The following CNTNAP2 variants were observed in gnomAD, a reference collection of about 807,000 sequenced individuals.
CNTNAP2 encodes the protein contactin associated protein 2, also known as contactin-associated protein-like 2.
CNTNAP2 carries 98 observed loss-of-function variants against 155.2 expected under a neutral mutation model. The observed-to-expected ratio is 0.63, with a 90% CI of 0.54 to 0.75. The LOEUF is 0.75. Among genes scored for constraint, CNTNAP2 ranks in the 30% least tolerant of loss-of-function variants. The probability of loss-of-function intolerance (pLI) is 0.00; values close to 1 mark genes in which losing one functional copy is unlikely to be tolerated. For missense variants in CNTNAP2, 1,727 were observed against 1,688.1 expected (o/e 1.02, Z -0.40); for synonymous variants, 651 against 631.2 (o/e 1.03, Z -0.47).
intron 10 of CNTNAP2, among the ~76,000 whole-genome samples, chr7:147,483,846 A>G (rs1380979676): frequency 6.6e-6 from 1 of 152,192 alleles, no homozygotes; most frequent in Non-Finnish European, 1.5e-5. Context: ...CCTGTACAGA[A>G]TAGTGGCTAT....
intron 1 of CNTNAP2, among the ~76,000 whole-genome samples, chr7:146,274,546 A>G (rs1278709667): frequency 6.6e-6 from 1 of 152,100 alleles, no homozygotes; most frequent in Non-Finnish European, 1.5e-5. Context: ...CCTTTGGAGG[A>G]ACATTTGCCC....
chr7:146,194,672 C>T (rs1250469285), intron 1 of CNTNAP2, among the ~76,000 whole-genome samples: 1 of 152,146 alleles, frequency 6.6e-6, no homozygotes, highest in Non-Finnish European at 1.5e-5. Context: ...GCTTTTTATC[C>T]ATACACTAAT....
intron 11 of CNTNAP2, among the ~76,000 whole-genome samples, chr7:147,492,810 A>G (rs1005263465): frequency 6.6e-6 from 1 of 152,216 alleles, no homozygotes; most frequent in Non-Finnish European, 1.5e-5. Flanking sequence ...TACTGACAGC[A>G]ATAAAATAGG....
At chr7:146,548,652 G>A (rs910804148) in intron 1 of CNTNAP2, among the ~76,000 whole-genome samples, 1 of 151,864 alleles carries the variant, frequency 6.6e-6, no homozygotes, top group Non-Finnish European at 1.5e-5. Context: ...TGAAAGTCTG[G>A]TCAAGTCCAT....
intron 2 of CNTNAP2, among the ~76,000 whole-genome samples, chr7:146,793,993 C>T (rs1802723575): frequency 6.6e-6 from 1 of 152,204 alleles, no homozygotes; most frequent in African/African-American, 2.4e-5. Flanking sequence ...CTCAGCCAGT[C>T]TCTCTCACCG....
chr7:147,874,095 T>C (rs1227234719), intron 13 of CNTNAP2, among the ~76,000 whole-genome samples: 1 of 152,200 alleles, frequency 6.6e-6, no homozygotes, highest in Non-Finnish European at 1.5e-5. Flanking sequence ...GCTGCTTTCA[T>C]GGGCTGGCGT....
chr7:146,636,767 T>C (rs1354365487), intron 1 of CNTNAP2, among the ~76,000 whole-genome samples: 2 of 152,216 alleles, frequency 1.3e-5, no homozygotes, highest in Admixed American at 6.5e-5. Context: ...CTTCAAAAGC[T>C]CTGACATTGA....
At chr7:147,031,320 AATTT>A (rs1468240691) in intron 3 of CNTNAP2, among the ~76,000 whole-genome samples, 20 of 152,316 alleles carry the variant, frequency 1.3e-4, no homozygotes, top group Non-Finnish European at 2.1e-4. Context: ...CATCTGAAAA[AATTT>A]ATTTGTCAAT....
At chr7:147,154,791 T>G (rs1801891106) in intron 8 of CNTNAP2, among the ~76,000 whole-genome samples, 1 of 152,244 alleles carries the variant, frequency 6.6e-6, no homozygotes, top group South Asian at 2.1e-4. Context: ...TCATTGAATG[T>G]TTAAAATACT....
intron 8 of CNTNAP2, among the ~76,000 whole-genome samples, chr7:147,245,555 T>C (rs1483789367): frequency 1.3e-5 from 2 of 151,934 alleles, no homozygotes; most frequent in African/African-American, 4.8e-5. Flanking sequence ...TCTTAGAGGC[T>C]GGGCGCGGTG....
intron 1 of CNTNAP2, among the ~76,000 whole-genome samples, chr7:146,723,630 T>G (rs911461558): frequency 6.6e-6 from 1 of 152,196 alleles, no homozygotes; most frequent in Non-Finnish European, 1.5e-5. Flanking sequence ...ATTAAGGTAA[T>G]TTAAAGAACA....
intron 1 of CNTNAP2, among the ~76,000 whole-genome samples, chr7:146,165,845 A>G (rs1181929192): frequency 6.6e-6 from 1 of 152,300 alleles, no homozygotes; most frequent in Non-Finnish European, 1.5e-5. Flanking sequence ...ATAATGATAA[A>G]AGATGCATTA....
chr7:147,015,356 ATATTG>A lies in CNTNAP2; in HGVS notation c.403-28544_403-28540del, dbSNP rs542285031. 5.6e-3 allele frequency among the ~76,000 whole-genome samples: 850 copies of A among 152,154 alleles called. 7 individuals carry two copies. The highest frequency in any genetic ancestry group is 8.8e-3 in the Non-Finnish European group (601 of 67,990). ...TGTCTGACATTTCTTATTTTTAGTT[ATATTG>A]TATTGTTTTGTCTTCAAATGCAGCA... On this transcript the variant is annotated intron_variant, in intron 3 of 23. Transcript: ENST00000361727.
intron 1 of CNTNAP2, among the ~76,000 whole-genome samples, chr7:146,270,361 A>G (rs1197632984): frequency 6.6e-6 from 1 of 152,180 alleles, no homozygotes; most frequent in African/African-American, 2.4e-5. Context: ...AAATGAATTA[A>G]GGGCAATTGA....
chr7:147,898,227 T>C (rs892554771), intron 13 of CNTNAP2, among the ~76,000 whole-genome samples: 1 of 152,214 alleles, frequency 6.6e-6, no homozygotes, highest in Admixed American at 6.5e-5. Flanking sequence ...ATTCATTACA[T>C]TCATCCTGGA....
intron 1 of CNTNAP2, among the ~76,000 whole-genome samples, chr7:146,651,178 T>C (rs769958104): frequency 2.0e-5 from 3 of 151,984 alleles, no homozygotes; most frequent in Non-Finnish European, 2.9e-5. Context: ...AACTGAAAAA[T>C]TGCGTATTTT....
intron 20 of CNTNAP2, among the ~76,000 whole-genome samples, chr7:148,250,719 G>A (rs531247969): frequency 2.0e-5 from 3 of 152,220 alleles, no homozygotes; most frequent in African/African-American, 4.8e-5. Context: ...ATCGGGGTCT[G>A]TCCTGTCCTC....
intron 1 of CNTNAP2, among the ~76,000 whole-genome samples, chr7:146,248,276 G>T (rs932709870): frequency 5.9e-5 from 9 of 151,980 alleles, no homozygotes; most frequent in Non-Finnish European, 7.4e-5. Flanking sequence ...AGGGGTTGGG[G>T]GTTTCTTGCC....
At chr7:146,934,051 G>A (rs1441611725) in intron 3 of CNTNAP2, among the ~76,000 whole-genome samples, 1 of 152,074 alleles carries the variant, frequency 6.6e-6, no homozygotes, top group Middle Eastern at 3.2e-3. Context: ...CAGGGATCTA[G>A]AACTAGAAAT....
Sources: allele counts gnomAD v4.1 joint callset (sites outside exome capture counted in the v4.1 genomes callset), GRCh38; gene constraint gnomAD v4.1.1; transcripts MANE v1.5; gene names NCBI Gene and HGNC (gene_info 2026-07-23, HGNC 2026-07-21).